HMGN5: variants seen among roughly 807,000 people sequenced by gnomAD.
HMGN5 encodes high mobility group nucleosome binding domain 5, also known as high mobility group nucleosome-binding domain-containing protein 5.
A neutral mutation model predicts 9.5 loss-of-function variants in HMGN5; 4 were observed. The observed-to-expected ratio is 0.42, with a 90% confidence interval of 0.21 to 0.96. HMGN5 has a LOEUF of 0.96. Among genes scored for constraint, HMGN5 ranks in the 40% least tolerant of loss-of-function variants. The probability of loss-of-function intolerance (pLI) is 0.30; values close to 1 mark genes in which losing one functional copy is unlikely to be tolerated. For missense variants in HMGN5, 192 were observed against 187.5 expected (o/e 1.02, Z -0.14); for synonymous variants, 55 against 57.1 (o/e 0.96, Z 0.16).
chrX:81,191,263 TTTTA>T (rs1412138130), intron 1 of HMGN5, among the ~76,000 whole-genome samples: 1 of 112,010 alleles, frequency 8.9e-6, no homozygotes, highest in African/African-American at 3.2e-5. Flanking sequence ...TATAACTTTA[TTTTA>T]TTTTTCTTCT....
At chrX:81,118,245 T>C (rs1270344545) in intron 5 of HMGN5, among the ~76,000 whole-genome samples, 187 bp downstream of exon 5, 1 of 111,116 alleles carries the variant, frequency 9.0e-6, no homozygotes, top group African/African-American at 3.3e-5. Context: ...CAAAACACTG[T>C]GGACAATCAC....
intron 1 of HMGN5, among the ~76,000 whole-genome samples, chrX:81,157,838 G>A (rs758299931): frequency 9.1e-6 from 1 of 110,240 alleles, no homozygotes. Flanking sequence ...GGAGTGCAGT[G>A]GCGCAATCTC....
intron 1 of HMGN5, among the ~76,000 whole-genome samples, chrX:81,153,583 C>CTCTCTCTCTCTCTATA (rs2075373226): frequency 1.6e-4 from 1 of 6,143 alleles, no homozygotes; most frequent in Non-Finnish European, 3.1e-4. Flanking sequence ...CTCTCTCTCT[C>CTCTCTCTCTCTCTATA]TATATATATA....
At chrX:81,159,853 A>G (rs1258882793) in intron 1 of HMGN5, among the ~76,000 whole-genome samples, 2 of 111,322 alleles carry the variant, frequency 1.8e-5, no homozygotes, top group Admixed American at 9.6e-5. Flanking sequence ...ATAAAAGCAC[A>G]ACTTTTAATG....
At chrX:81,192,695 G>A (rs1003310399) in intron 1 of HMGN5, among the ~76,000 whole-genome samples, 1 of 111,829 alleles carries the variant, frequency 8.9e-6, no homozygotes, top group Non-Finnish European at 1.9e-5. Context: ...ATATGAAAGT[G>A]TCTTTATTTC....
At chrX:81,126,147 CAAAAAAA>C (rs776769640) in intron 1 of HMGN5, among the ~76,000 whole-genome samples, 4 of 47,743 alleles carry the variant, frequency 8.4e-5, no homozygotes, top group Admixed American at 2.9e-4. Flanking sequence ...GACGCAGTCT[CAAAAAAA>C]AAAAAAAAAA....
At chrX:81,157,673 A>G (rs1327785051) in intron 1 of HMGN5, among the ~76,000 whole-genome samples, 2 of 111,806 alleles carry the variant, frequency 1.8e-5, no homozygotes, top group African/African-American at 6.5e-5. Context: ...GACCTAGTCT[A>G]TATATTTTCC....
intron 1 of HMGN5, among the ~76,000 whole-genome samples, chrX:81,151,295 C>A (rs1455667550): frequency 9.0e-6 from 1 of 111,474 alleles, no homozygotes. Context: ...CTGTTCTGTT[C>A]CATTGATCTA....
chrX:81,151,697 T>G (rs1369856939), intron 1 of HMGN5, among the ~76,000 whole-genome samples: 1 of 111,284 alleles, frequency 9.0e-6, no homozygotes, highest in Non-Finnish European at 1.9e-5. Context: ...AGTATTTTAT[T>G]CTCTTTGAAG....
chrX:81,199,697 C>G (rs2075519631), intron 1 of HMGN5, among the ~76,000 whole-genome samples: 1 of 111,987 alleles, frequency 8.9e-6, no homozygotes, highest in African/African-American at 3.3e-5. Context: ...GAAACTGGAT[C>G]CTTTCCTTAC....
At chrX:81,173,972 T>A (rs2075434122) in intron 1 of HMGN5, among the ~76,000 whole-genome samples, 1 of 111,713 alleles carries the variant, frequency 9.0e-6, no homozygotes, top group Admixed American at 9.5e-5. Flanking sequence ...CCTGGAGATA[T>A]GTGTTAAATT....
At chrX:81,185,146 C>A (rs1473224499) in intron 1 of HMGN5, among the ~76,000 whole-genome samples, 1 of 111,397 alleles carries the variant, frequency 9.0e-6, no homozygotes, top group African/African-American at 3.3e-5. Context: ...GATTTTTGTT[C>A]TGTTAAGAAT....
chrX:81,131,837 C>T (rs1232823982), intron 1 of HMGN5, among the ~76,000 whole-genome samples: 1 of 111,024 alleles, frequency 9.0e-6, no homozygotes, highest in Non-Finnish European at 1.9e-5. Flanking sequence ...CACTCCTATT[C>T]AACATAGTAT....
intron 1 of HMGN5, among the ~76,000 whole-genome samples, chrX:81,145,723 C>G (rs1159121766): frequency 1.8e-5 from 2 of 111,155 alleles, no homozygotes; most frequent in Non-Finnish European, 3.8e-5. Context: ...GTTAAAGAGT[C>G]AAGACCCATC....
At chrX:81,194,848 T>C (rs1027690209) in intron 1 of HMGN5, among the ~76,000 whole-genome samples, 3 of 111,740 alleles carry the variant, frequency 2.7e-5, no homozygotes, top group African/African-American at 9.8e-5. Flanking sequence ...CAAAGAAACA[T>C]GAAAGGAAAC....
At chrX:81,153,122 G>T (rs2075369135) in intron 1 of HMGN5, among the ~76,000 whole-genome samples, 1 of 106,999 alleles carries the variant, frequency 9.3e-6, no homozygotes, top group Admixed American at 1.0e-4. Context: ...TTGTGCACAT[G>T]TACCCTAAAA....
intron 1 of HMGN5, among the ~76,000 whole-genome samples, chrX:81,175,828 C>T (rs1336026015): frequency 4.5e-5 from 5 of 111,568 alleles, no homozygotes; most frequent in African/African-American, 1.3e-4. Context: ...GAACTATGGC[C>T]GAATAGGAAC....
At chrX:81,126,926 C>A (rs1276664964) in intron 1 of HMGN5, among the ~76,000 whole-genome samples, 1 of 111,222 alleles carries the variant, frequency 9.0e-6, no homozygotes, top group Non-Finnish European at 1.9e-5. Flanking sequence ...TTTACTAAAT[C>A]CTATCTATTG....
chrX:81,167,697 A>T (rs528252793), intron 1 of HMGN5, among the ~76,000 whole-genome samples: 46 of 112,404 alleles, frequency 4.1e-4, no homozygotes, highest in African/African-American at 1.3e-3. Flanking sequence ...CAAAAGTTAA[A>T]AATAGTAAGC....
Sources: allele counts gnomAD v4.1 joint callset (sites outside exome capture counted in the v4.1 genomes callset), GRCh38; gene constraint gnomAD v4.1.1; transcripts MANE v1.5; gene names NCBI Gene and HGNC (gene_info 2026-07-23, HGNC 2026-07-21).